BAZ2B: variants seen among roughly 807,000 people sequenced by gnomAD.
BAZ2B encodes the protein bromodomain adjacent to zinc finger domain 2B, also known as bromodomain adjacent to zinc finger domain protein 2B.
In BAZ2B, 91 loss-of-function variants were observed where a neutral mutation model predicts 246.0. The ratio of observed to expected loss-of-function variants is 0.37; its 90% CI spans 0.31 to 0.44. The LOEUF is 0.44. Among genes scored for constraint, BAZ2B ranks in the 20% least tolerant of loss-of-function variants. The pLI, the probability that BAZ2B is intolerant of heterozygous loss-of-function variation, is 1.00. For missense variants in BAZ2B, 2,332 were observed against 2,533.7 expected, an observed-to-expected ratio of 0.92 and a Z score of 1.71; for synonymous variants, 855 against 860.0, an observed-to-expected ratio of 0.99 and a Z score of 0.10.
intron 2 of BAZ2B, among the ~76,000 whole-genome samples, chr2:159,504,117 A>G (rs1049047988): frequency 8.4e-5 from 12 of 142,310 alleles, no homozygotes; most frequent in African/African-American, 3.3e-4. Context: ...GTTGGCACTT[A>G]GGCCTCTTAA....
chr2:159,504,902 T>C (rs1553683497), intron 2 of BAZ2B, among the ~76,000 whole-genome samples: 1 of 152,236 alleles, frequency 6.6e-6, no homozygotes, highest in Non-Finnish European at 1.5e-5. Flanking sequence ...TAGTTCAATC[T>C]GTATATATAA....
At chr2:159,578,322 C>G (rs1404204470) in intron 1 of BAZ2B, among the ~76,000 whole-genome samples, 1 of 152,064 alleles carries the variant, frequency 6.6e-6, no homozygotes, top group African/African-American at 2.4e-5. Context: ...GAAAAATTCA[C>G]AGTTCATAAA....
At chr2:159,671,549 C>T in the BAZ2B span, among the ~76,000 whole-genome samples, 3 of 152,130 alleles carry the variant, frequency 2.0e-5, no homozygotes, top group South Asian at 4.2e-4. Context: ...TTTATTGGGA[C>T]GATTTCACCA....
chr2:159,694,492 T>C, the BAZ2B span: 24 of 152,142 alleles, frequency 1.6e-4, no homozygotes, highest in African/African-American at 5.3e-4. Flanking sequence ...CACTCCTACC[T>C]CTTGCTTTTC....
the BAZ2B span, among the ~76,000 whole-genome samples, chr2:159,631,796 T>G: frequency 6.6e-6 from 1 of 152,172 alleles, no homozygotes; most frequent in Non-Finnish European, 1.5e-5. Flanking sequence ...AGGTAACAAA[T>G]CAAGAATTTA....
chr2:159,488,450 T>A (rs1050298830), intron 2 of BAZ2B, among the ~76,000 whole-genome samples: 1 of 152,190 alleles, frequency 6.6e-6, no homozygotes, highest in Non-Finnish European at 1.5e-5. Context: ...GATGTGATTA[T>A]AATGCATTGT....
the BAZ2B span, among the ~76,000 whole-genome samples, chr2:159,701,877 C>T: frequency 2.8e-3 from 429 of 151,954 alleles, no homozygotes; most frequent in Middle Eastern, 0.044. Context: ...TACAGGCGCA[C>T]ATCACCACAC....
At chr2:159,364,312 C>G (rs1454582032) in intron 27 of BAZ2B, among the ~76,000 whole-genome samples, 5 of 152,286 alleles carry the variant, frequency 3.3e-5, no homozygotes, top group Middle Eastern at 3.4e-3. Context: ...GAATTACAAT[C>G]ACTGCAACGG....
intron 3 of BAZ2B, among the ~76,000 whole-genome samples, chr2:159,473,759 T>G (rs532497084): frequency 2.0e-4 from 30 of 152,356 alleles, no homozygotes; most frequent in African/African-American, 7.2e-4. Context: ...TGGTACATTG[T>G]GTCTTTGTTC....
At chr2:159,316,764 T>C (rs556178661), downstream of BAZ2B, among the ~76,000 whole-genome samples, 1 of 149,164 alleles carries the variant, frequency 6.7e-6, no homozygotes, top group African/African-American at 2.4e-5. Flanking sequence ...TCCCAGCACT[T>C]TGGGAGGCTG....
downstream of BAZ2B, among the ~76,000 whole-genome samples, chr2:159,316,689 CAAAAAAAAAAAAAAAAAA>C (rs765748671): frequency 2.8e-5 from 1 of 36,244 alleles, no homozygotes; most frequent in Non-Finnish European, 4.6e-5. Flanking sequence ...GACTCCATCT[CAAAAAAAAAAAAAAAAAA>C]AAAAAAAAAA....
At chr2:159,652,211 CTT>C in the BAZ2B span, among the ~76,000 whole-genome samples, 146 of 138,990 alleles carry the variant, frequency 1.1e-3, no homozygotes, top group Admixed American at 9.4e-4. Flanking sequence ...TTGTTACTCT[CTT>C]TTTTTTTTTT....
the BAZ2B span, among the ~76,000 whole-genome samples, chr2:159,674,526 C>A: frequency 6.6e-6 from 1 of 151,616 alleles, no homozygotes; most frequent in Non-Finnish European, 1.5e-5. Context: ...ACCAGCCTGG[C>A]CAACATGGTG....
At chr2:159,707,444 A>G in the BAZ2B span, among the ~76,000 whole-genome samples, 6,336 of 152,104 alleles carry the variant, frequency 0.042, 424 homozygotes, top group African/African-American at 0.14. Flanking sequence ...TAATCCCAGC[A>G]CTCTGGGAGG....
chr2:159,529,413 T>C (rs1003659668), intron 2 of BAZ2B, among the ~76,000 whole-genome samples: 2 of 152,176 alleles, frequency 1.3e-5, no homozygotes, highest in African/African-American at 4.8e-5. Flanking sequence ...GCCATCCTGA[T>C]TTCCCTATTA....
the BAZ2B span, among the ~76,000 whole-genome samples, chr2:159,659,241 G>A: frequency 1.3e-5 from 2 of 152,200 alleles, no homozygotes; most frequent in African/African-American, 4.8e-5. Context: ...GCCAACGGTT[G>A]TGGCTCAATC....
chr2:159,567,106 G>A (rs985400263), intron 1 of BAZ2B, among the ~76,000 whole-genome samples: 2 of 152,070 alleles, frequency 1.3e-5, no homozygotes, highest in African/African-American at 4.8e-5. Flanking sequence ...AGCCAGGCAT[G>A]GTGGTGTGCA....
chr2:159,674,494 C>G, the BAZ2B span, among the ~76,000 whole-genome samples: 1 of 151,764 alleles, frequency 6.6e-6, no homozygotes, highest in African/African-American at 2.4e-5. Context: ...GTGGGCCGAT[C>G]ACTTCATGTT....
the BAZ2B span, among the ~76,000 whole-genome samples, chr2:159,704,545 C>T: frequency 7.2e-6 from 1 of 138,260 alleles, no homozygotes; most frequent in Non-Finnish European, 1.5e-5. Flanking sequence ...TGCAATGGTG[C>T]AATCTCAGCT....
Sources: gnomAD v4.1 joint callset for allele counts (sites outside exome capture counted in the v4.1 genomes callset) on GRCh38, gnomAD v4.1.1 for gene constraint, MANE v1.5 for transcripts, NCBI Gene and HGNC (gene_info 2026-07-23, HGNC 2026-07-21) for gene names.